Variants in DPYSL2 observed in about 807,000 individuals in gnomAD.
DPYSL2 encodes dihydropyrimidinase like 2.
DPYSL2 carries 13 observed loss-of-function variants against 69.9 expected under a neutral mutation model. The ratio of observed to expected loss-of-function variants is 0.19; its 90% CI spans 0.12 to 0.30. The LOEUF is 0.30. DPYSL2 is among the 10% of genes least tolerant of loss of function. The pLI, the probability that DPYSL2 is intolerant of heterozygous loss-of-function variation, is 1.00. For synonymous variants in DPYSL2, 326 were observed against 359.1 expected (o/e 0.91, Z 1.04); for missense variants, 587 against 918.9 (o/e 0.64, Z 4.67).
At chr8:26,555,850 G>A (rs959060307) in intron 1 of DPYSL2, among the ~76,000 whole-genome samples, 1 of 148,074 alleles carries the variant, frequency 6.8e-6, no homozygotes, top group African/African-American at 2.5e-5. Flanking sequence ...TTGTCAGCCT[G>A]GGTGACAGTG....
At position 26,656,980 on chromosome 8, in the gene DPYSL2, AC is replaced by A. The variant is rs919158362; in HGVS notation, c.*1277del. 16 of 152,044 alleles carry A rather than the reference AC, an allele frequency of 1.1e-4. No individual in the cohort carries two copies. The allele number at this position is 152,044 out of a possible 1,614,324, so 9.4% of individuals were successfully genotyped here. ...GAAGTGCTAAGCTAATAGGAGTCTG[AC>A]CCGAGGGCCTGCTGCTTCCTGGTTA... On this transcript the variant is annotated 3_prime_UTR_variant, in exon 14 of 14. Coordinates refer to ENST00000521913, the MANE Select transcript of DPYSL2 (RefSeq NM_001197293.3).
intron 1 of DPYSL2, among the ~76,000 whole-genome samples, chr8:26,538,201 T>C (rs1800627150): frequency 6.6e-6 from 1 of 152,166 alleles, no homozygotes; most frequent in Non-Finnish European, 1.5e-5. Flanking sequence ...TTATACTTAT[T>C]GAGGAGGAGT....
intron 2 of DPYSL2, among the ~76,000 whole-genome samples, chr8:26,583,268 A>C (rs1279103640): frequency 6.6e-6 from 1 of 151,550 alleles, no homozygotes; most frequent in African/African-American, 2.4e-5. Context: ...TAGCTTTTTC[A>C]TTATCTGAAT....
chr8:26,626,509 ACACACACACACACG>A lies in DPYSL2; in HGVS notation c.794-107_794-94del, dbSNP rs2129912306. On this transcript the variant is annotated intron_variant, in intron 4 of 13. Coordinates refer to ENST00000521913, the MANE Select transcript of DPYSL2 (RefSeq NM_001197293.3). The surrounding 1 kb of genome is among the most constrained non-coding windows in gnomAD (Gnocchi z 4.3). Reference sequence around the variant, plus strand: ...CACACACACACACACACACACACACACACACACACACACGTACACACACAGACAGTATTATCACT... The same window carrying A: ...CACACACACACACACACACACACACATACACACACAGACAGTATTATCACT... 2.4e-6 allele frequency: 2 copies of A among 831,440 alleles called. No individual in the cohort carries two copies. The highest frequency in any genetic ancestry group is 3.9e-6 in the Non-Finnish European group (2 of 512,932). The allele number at this position is 831,440 out of a possible 1,614,324, so 51.5% of individuals were successfully genotyped here. A position where few individuals can be genotyped will look rare whatever the true frequency, so the allele number is the denominator to read the frequency against.
rs1002317296 is a variant in DPYSL2, at chr8:26,626,843, G to T, written c.855+165G>T. Reference sequence around the variant, plus strand: ...CTGAGCCTTGGAAGAGAGTATGAACGCAGTGCCCTGGCCCCCAGCACTGCC... The same window carrying T: ...CTGAGCCTTGGAAGAGAGTATGAACTCAGTGCCCTGGCCCCCAGCACTGCC... On this transcript the variant is annotated intron_variant, in intron 5 of 13. Coordinates refer to ENST00000521913, the MANE Select transcript of DPYSL2 (RefSeq NM_001197293.3). The surrounding 1 kb of genome is among the most constrained non-coding windows in gnomAD (Gnocchi z 4.3). 6.6e-6 allele frequency among the ~76,000 whole-genome samples: 1 copy of T among 152,128 alleles called. No homozygotes were observed. Among genetic ancestry groups the T allele is most frequent in the East Asian group, 1.9e-4 (1 of 5,176 alleles).
At chr8:26,523,974 T>C (rs901183009) in intron 1 of DPYSL2, among the ~76,000 whole-genome samples, 3 of 152,266 alleles carry the variant, frequency 2.0e-5, no homozygotes, top group African/African-American at 7.2e-5. Flanking sequence ...ATAATGTTGC[T>C]ATGAACACGG....
At chr8:26,628,071 T>A in intron 7 of DPYSL2, 131 bp downstream of exon 7, 1 of 883,294 alleles carries the variant, frequency 1.1e-6, no homozygotes, top group Non-Finnish European at 1.8e-6. Flanking sequence ...TGAGAAGCTG[T>A]GGGTCACGTG....
chr8:26,534,721 C>T (rs1052041641), intron 1 of DPYSL2, among the ~76,000 whole-genome samples: 5 of 152,112 alleles, frequency 3.3e-5, no homozygotes, highest in African/African-American at 1.2e-4. Context: ...CAGCCTTGAA[C>T]TCCTGGGCTC....
chr8:26,519,034 C>T (rs551239195), intron 1 of DPYSL2, among the ~76,000 whole-genome samples: 2 of 152,320 alleles, frequency 1.3e-5, no homozygotes, highest in South Asian at 4.1e-4. Flanking sequence ...AGGAGAATTG[C>T]TGTCATTGGA....
chr8:26,647,264 G>T lies in DPYSL2; in HGVS notation c.1426-366G>T, dbSNP rs183357571. Among the ~76,000 whole-genome samples, 1 of 152,228 alleles carries T rather than the reference G, an allele frequency of 6.6e-6. No homozygotes were observed. Among genetic ancestry groups the T allele is most frequent in the East Asian group, 1.9e-4 (1 of 5,182 alleles). ...ACACTGACAGTGTCACAATGTGTGG[G>T]TATAGCTCTAGGCTGTGTGGCCACC... On this transcript the variant is annotated intron_variant, in intron 10 of 13. Transcript: ENST00000521913. The surrounding 1 kb of genome is among the most constrained non-coding windows in gnomAD (Gnocchi z 5.1).
chr8:26,634,006 C>G (rs1397693230), intron 7 of DPYSL2, among the ~76,000 whole-genome samples: 1 of 152,246 alleles, frequency 6.6e-6, no homozygotes, highest in Non-Finnish European at 1.5e-5. Flanking sequence ...AACTCCACAT[C>G]ACTGAATATC....
rs1687670924 is a variant in DPYSL2, at chr8:26,624,084, T to C, written c.629-59T>C. 1.9e-6 allele frequency: 3 copies of C among 1,591,598 alleles called. No individual in the cohort carries two copies. Among genetic ancestry groups the C allele is most frequent in the Admixed American group, 1.7e-5 (1 of 58,436 alleles). ...TTCAGGGTTCAAGTGGGAAAATACC[T>C]GCTGGCCCACGGCCCTTGAGGCTCT... On this transcript the variant is annotated intron_variant, in intron 3 of 13. Transcript: ENST00000521913. This position sits in a 1 kb window ranked among gnomAD's most constrained non-coding sequence, Gnocchi z 4.7.
At chr8:26,544,906 C>T (rs1800740951) in intron 1 of DPYSL2, among the ~76,000 whole-genome samples, 1 of 152,130 alleles carries the variant, frequency 6.6e-6, no homozygotes, top group Admixed American at 6.5e-5. Context: ...TGTCTGTAGA[C>T]ACAAGGAAGA....
intron 3 of DPYSL2, among the ~76,000 whole-genome samples, chr8:26,600,954 C>CA (rs1327985485): frequency 2.0e-5 from 3 of 152,206 alleles, no homozygotes; most frequent in Admixed American, 2.0e-4. Context: ...GGGAACTTGG[C>CA]AGAGGCCCTG....
rs1432512157 is a variant in DPYSL2, at chr8:26,514,506, T to G, written c.181T>G (p.Ser61Ala). Residue 61 changes from serine to alanine, a missense_variant, in exon 1 of 14, where the codon TCG (serine) becomes GCG (alanine). Ser to Ala is a moderately conservative substitution (Grantham distance 99). This residue lies in a region of DPYSL2 where 50 missense variants were observed against 86.8 expected (regional missense o/e 0.58). Coordinates refer to ENST00000521913, the MANE Select transcript of DPYSL2 (RefSeq NM_001197293.3). This position sits in a 1 kb window ranked among gnomAD's most constrained non-coding sequence, Gnocchi z 8.4. Reference protein sequence around the residue: ...DFDSLSVGRGSGQVVAQQRDV... With the variant: ...DFDSLSVGRGAGQVVAQQRDV... ...CGACTCGCTGTCGGTGGGCCGGGGC[T>G]CGGGGCAGGTGGTGGCTCAGCAGCG... The G allele has an allele frequency of 1.3e-6, 2 of 1,529,306 alleles. No homozygotes were observed. The highest frequency in any genetic ancestry group is 4.0e-5 in the Admixed American group (2 of 50,128). The allele number at this position is 1,529,306 out of a possible 1,614,324, so 94.7% of individuals were successfully genotyped here.
chr8:26,625,295 A>G (rs567441546), intron 4 of DPYSL2, among the ~76,000 whole-genome samples: 3 of 152,342 alleles, frequency 2.0e-5, no homozygotes, highest in African/African-American at 7.2e-5. Flanking sequence ...AAGCTTCCAC[A>G]TAAAAGAAAA....
In DPYSL2 at chr8:26,562,603, A is replaced by G. The variant is rs901603119; in HGVS notation, c.355-19366A>G. Among the ~76,000 whole-genome samples the G allele has an allele frequency of 2.6e-5, 4 of 152,204 alleles. No homozygotes were observed. The highest frequency in any genetic ancestry group is 9.6e-5 in the African/African-American group (4 of 41,452). On this transcript the variant is annotated intron_variant, in intron 1 of 13. Transcript: ENST00000521913. This position sits in a 1 kb window ranked among gnomAD's most constrained non-coding sequence, Gnocchi z 4.9. ...CAGAATAAAATCCGAATCTGTTTCC[A>G]TGGCCCACAGTCCTGTAGATGTGGT...
intron 11 of DPYSL2, among the ~76,000 whole-genome samples, chr8:26,651,514 C>G (rs1260789829): frequency 6.6e-6 from 1 of 152,212 alleles, no homozygotes; most frequent in Admixed American, 6.5e-5. Context: ...CATTTGGGAT[C>G]TGGGAAGTAG....
chr8:26,574,437 C>T (rs929286071), intron 1 of DPYSL2, among the ~76,000 whole-genome samples: 1 of 152,192 alleles, frequency 6.6e-6, no homozygotes, highest in Non-Finnish European at 1.5e-5. Flanking sequence ...GGCAGATCCT[C>T]CCTTCCTGCA....
Sources: gnomAD v4.1 joint callset for allele counts (sites outside exome capture counted in the v4.1 genomes callset) on GRCh38, gnomAD v4.1.1 for gene constraint, gnomAD v4.1.1 regional missense constraint, Gnocchi (gnomAD v3.1) non-coding constraint, MANE v1.5 for transcripts, NCBI Gene and HGNC (gene_info 2026-07-23, HGNC 2026-07-21) for gene names.